Variants in MAMDC4 observed in about 807,000 individuals in gnomAD.
MAMDC4 encodes apical endosomal glycoprotein.
A neutral mutation model predicts 153.3 loss-of-function variants in MAMDC4; 168 were observed. That is an observed-to-expected ratio of 1.10 (90% CI 0.97 to 1.25). The LOEUF is 1.25. MAMDC4 is among the 50% of genes most tolerant of loss of function. The pLI, the probability that MAMDC4 is intolerant of heterozygous loss-of-function variation, is 0.00. For missense variants in MAMDC4, 1,701 were observed against 1,542.8 expected (o/e 1.10, Z -1.72); for synonymous variants, 744 against 651.5 (o/e 1.14, Z -2.16).
chr9:136,857,623 G>C, intron 18 of MAMDC4, 36 bp from the exon 19 acceptor site: 1 of 1,611,944 alleles, frequency 6.2e-7, no homozygotes, highest in African/African-American at 1.3e-5. Context: ...TTGAGGGGCT[G>C]GCCAGGGGCT....
rs1849012597 is a variant in MAMDC4, at chr9:136,856,842, A to C, written c.1837+16A>C. ...ACAGGCCAAGGTAGGATGGGCGCTC[A>C]GACCGGGGGTGGCTTTCAGACGAGA... On this transcript the variant is annotated intron_variant, in intron 15 of 26. Coordinates refer to ENST00000317446, the MANE Select transcript of MAMDC4 (RefSeq NM_206920.3). 1 of 1,612,444 alleles carries C rather than the reference A, an allele frequency of 6.2e-7. No homozygotes were observed. Among genetic ancestry groups the C allele is most frequent in the Admixed American group, 1.7e-5 (1 of 59,940 alleles).
At chr9:136,852,534 G>A (rs1357142195) in intron 1 of MAMDC4, 72 bp downstream of exon 1, 2 of 1,557,880 alleles carry the variant, frequency 1.3e-6, no homozygotes, top group South Asian at 2.2e-5. Flanking sequence ...CTGTGTGGCA[G>A]TGACGGACAC....
chr9:136,854,516 G>A, intron 7 of MAMDC4, 23 bp from the exon 8 acceptor site: 1 of 1,592,412 alleles, frequency 6.3e-7, no homozygotes, highest in South Asian at 1.1e-5. Context: ...TGGTGGCCCT[G>A]ACACGCCCAC....
At chr9:136,858,980 T>C in intron 23 of MAMDC4, 25 bp from the exon 24 acceptor site, 1 of 1,504,144 alleles carries the variant, frequency 6.6e-7, no homozygotes. Context: ...ACCCCAGGCC[T>C]GACACGCCCT....
In MAMDC4 at chr9:136,857,464, C is replaced by A. The variant is rs965988882; in HGVS notation, c.2204C>A (p.Ser735Tyr). 1.9e-6 allele frequency: 3 copies of A among 1,609,082 alleles called. No homozygotes were observed. Among genetic ancestry groups the A allele is most frequent in the Admixed American group, 3.3e-5 (2 of 60,030 alleles). ...PGPCWAPNYCSFEDSDCGFSP... is the reference protein window; with the variant it reads ...PGPCWAPNYCYFEDSDCGFSP... Reference sequence around the variant, plus strand: ...CCCTGCTGGGCCCCTAATTACTGCTCCTTTGAGGACTCAGACTGCGGCTTC... The same window carrying A: ...CCCTGCTGGGCCCCTAATTACTGCTACTTTGAGGACTCAGACTGCGGCTTC... Residue 735 changes from serine to tyrosine, a missense_variant, in exon 18 of 27, where the codon TCC becomes TAC. By Grantham distance (144) the Ser-to-Tyr change is moderately radical. Coordinates refer to ENST00000317446, the MANE Select transcript of MAMDC4 (RefSeq NM_206920.3).
chr9:136,854,900 C>A, intron 9 of MAMDC4, 37 bp from the exon 10 acceptor site: 1 of 1,612,594 alleles, frequency 6.2e-7, no homozygotes, highest in Non-Finnish European at 8.5e-7. Context: ...TGCTGGCTGC[C>A]CCGGTGCAGG....
intron 14 of MAMDC4, 64 bp from the exon 15 acceptor site, chr9:136,856,646 A>C: frequency 6.5e-7 from 1 of 1,530,990 alleles, no homozygotes; most frequent in Non-Finnish European, 9.0e-7. Flanking sequence ...CGGAGCTTCC[A>C]CCTTCTCAGG....
rs1459164621 is a variant in MAMDC4, at chr9:136,858,256, A to T, written c.2654A>T (p.Asp885Val). 2 of 1,601,760 alleles carry T rather than the reference A, an allele frequency of 1.2e-6. No individual in the cohort carries two copies. Among genetic ancestry groups the T allele is most frequent in the Non-Finnish European group, 1.7e-6 (2 of 1,178,924 alleles). Residue 885 changes from aspartate to valine, a missense_variant, in exon 21 of 27, where the codon GAC becomes GTC. By Grantham distance (152) the Asp-to-Val change is radical. Transcript: ENST00000317446. ...YVALDDLLLQ[D>V]GPCPQPGSCD... Reference sequence around the variant, plus strand: ...GCTCTGGATGATCTGCTCCTCCAGGACGGGCCCTGCCCTCAGCCAGGTGGG... The same window carrying T: ...GCTCTGGATGATCTGCTCCTCCAGGTCGGGCCCTGCCCTCAGCCAGGTGGG...
chr9:136,853,017 C>CTAAA, intron 1 of MAMDC4, 85 bp from the exon 2 acceptor site: 1 of 1,136,554 alleles, frequency 8.8e-7, no homozygotes, highest in Non-Finnish European at 1.3e-6. Context: ...AAAAGATGTC[C>CTAAA]AGTGCTAAAA....
In MAMDC4 at chr9:136,857,246, A is replaced by T. The variant is rs753232068; in HGVS notation, c.2054A>T (p.His685Leu). The T allele has an allele frequency of 3.1e-6, 5 of 1,606,206 alleles. No homozygotes were observed. The highest frequency in any genetic ancestry group is 3.4e-6 in the Non-Finnish European group (4 of 1,177,066). ...SRSGTQGNRW[H>L]EAWATLSHQP... ...TCAGGCACCCAGGGCAACCGCTGGC[A>T]CGAGGCCTGGGCCACCCTTTCCCAC... The change falls in exon 17 of 27, where the codon CAC (histidine) becomes CTC (leucine). Residue 685 changes from histidine to leucine, a missense_variant. By Grantham distance (99) the His-to-Leu change is moderately conservative. Coordinates refer to ENST00000317446, the MANE Select transcript of MAMDC4 (RefSeq NM_206920.3).
At chr9:136,856,571 C>A in intron 14 of MAMDC4, 139 bp from the exon 15 acceptor site, 1 of 852,112 alleles carries the variant, frequency 1.2e-6, no homozygotes, top group Non-Finnish European at 2.1e-6. Flanking sequence ...CCGAGAGAGA[C>A]AGAGGTTCCT....
rs1848960806 is a variant in MAMDC4 at position 136,853,665 on chromosome 9, C to A, written c.449C>A (p.Ser150Tyr). 1 of 1,381,792 alleles carries A rather than the reference C, an allele frequency of 7.2e-7. No homozygotes were observed. The highest frequency in any genetic ancestry group is 1.5e-5 in the African/African-American group (1 of 67,014). The allele number at this position is 1,381,792 out of a possible 1,614,324, so 85.6% of individuals were successfully genotyped here. Residue 150 changes from serine (S) to tyrosine (Y), a missense_variant, in exon 4 of 27, where the codon TCT becomes TAT. Physicochemically the swap from Ser to Tyr is moderately radical, Grantham distance 144. Transcript: ENST00000317446. Reference sequence around the variant, plus strand: ...CTGAGGCTCTGGTACCACGCGGCCTCTGGAGGTGCACCCTGGACCCCCAAG... The same window carrying A: ...CTGAGGCTCTGGTACCACGCGGCCTATGGAGGTGCACCCTGGACCCCCAAG... ...CKLRLWYHAA[S>Y]GDVAELRVEL... is the part of the protein sequence containing the mutation.
At chr9:136,855,928 A>G (rs1184299604) in intron 13 of MAMDC4, 80 bp downstream of exon 13, 48 of 1,530,290 alleles carry the variant, frequency 3.1e-5, no homozygotes, top group Non-Finnish European at 4.1e-5. Flanking sequence ...CTGCCTCTGC[A>G]CTACAGAGGG....
In MAMDC4 at chr9:136,857,182, A is replaced by T; in HGVS notation, c.1990A>T (p.Met664Leu). The change falls in exon 17 of 27, where the codon ATG (methionine) becomes TTG (leucine). Residue 664 changes from methionine (M) to leucine (L), a missense_variant. Physicochemically the swap from Met to Leu is conservative, Grantham distance 15. Coordinates refer to ENST00000317446, the MANE Select transcript of MAMDC4 (RefSeq NM_206920.3). ...GPQIGTLRLA[M>L]RREGEETHLW... ...CCCTGCAGGGACTCTGCGCCTAGCC[A>T]TGAGACGGGAAGGGGAGGAGACACA... 1 of 1,612,450 alleles carries T rather than the reference A, an allele frequency of 6.2e-7. No homozygotes were observed. The highest frequency in any genetic ancestry group is 8.5e-7 in the Non-Finnish European group (1 of 1,179,832).
rs548293328 is a variant in MAMDC4, at chr9:136,860,744, C to T, written c.*141C>T. ...TGCTGAGGCCTGGGCGTTCCCTGCCCTGTGCTGACTCTGTTGCTCTGTGAA... is the reference window on the plus strand; with the variant it reads ...TGCTGAGGCCTGGGCGTTCCCTGCCTTGTGCTGACTCTGTTGCTCTGTGAA... On this transcript the variant is annotated 3_prime_UTR_variant, in exon 27 of 27. Coordinates refer to ENST00000317446, the MANE Select transcript of MAMDC4 (RefSeq NM_206920.3). 6.0e-5 allele frequency: 50 copies of T among 836,262 alleles called. No individual in the cohort carries two copies. In the South Asian group the frequency reaches 7.5e-4, roughly 13 times the overall value. The allele number at this position is 836,262 out of a possible 1,614,324, so 51.8% of individuals were successfully genotyped here. A position where few individuals can be genotyped will look rare whatever the true frequency, so the allele number is the denominator to read the frequency against.
Position 136,857,254 on chromosome 9 carries a change from T to C in MAMDC4, c.2062T>C (p.Trp688Arg). 1.2e-6 allele frequency: 2 copies of C among 1,604,262 alleles called. No individual in the cohort carries two copies. The highest frequency in any genetic ancestry group is 1.7e-6 in the Non-Finnish European group (2 of 1,176,016). Residue 688 changes from tryptophan to arginine, a missense_variant, in exon 17 of 27, where the codon TGG becomes CGG. Transcript: ENST00000317446. ...CCAGGGCAACCGCTGGCACGAGGCC[T>C]GGGCCACCCTTTCCCACCAGCCTGG... Reference protein sequence around the residue: ...GTQGNRWHEAWATLSHQPGSH... With the variant: ...GTQGNRWHEARATLSHQPGSH...
chr9:136,854,401 A>C, intron 7 of MAMDC4, 65 bp downstream of exon 7: 1 of 1,494,168 alleles, frequency 6.7e-7, no homozygotes. Flanking sequence ...GGGCCCTGGC[A>C]CTCATCCAGG....
chr9:136,854,805 A>G lies in MAMDC4; in HGVS notation c.978A>G (p.Ile326Met), dbSNP rs748405373. ...TGGCCGAGCCTGGCACCCCTGCTAT[A>G]CTCTCCAGCCCCGAATTCCAAGCCT... Reference protein sequence around the residue: ...VSVAEPGTPAILSSPEFQASG... With the variant: ...VSVAEPGTPAMLSSPEFQASG... The change falls in exon 9 of 27, where the codon ATA (isoleucine) becomes ATG (methionine). Residue 326 changes from isoleucine to methionine, a missense_variant. By Grantham distance (10) the Ile-to-Met change is conservative (BLOSUM62 1). Transcript: ENST00000317446. The G allele has an allele frequency of 1.8e-5, 29 of 1,612,184 alleles. No individual in the cohort carries two copies. The highest frequency in any genetic ancestry group is 2.5e-5 in the Non-Finnish European group (29 of 1,179,716).
In MAMDC4 at chr9:136,856,895, T is replaced by A; in HGVS notation, c.1838-12T>A. The A allele has an allele frequency of 4.3e-6, 7 of 1,610,216 alleles. No individual in the cohort carries two copies. Among genetic ancestry groups the A allele is most frequent in the Non-Finnish European group, 5.9e-6 (7 of 1,177,970 alleles). ...GGGGCATCTCTGCAGCACAGCCCCA[T>A]GCCCCCTGCAGGCCACTTTGTGCTC... On this transcript the variant is annotated splice_polypyrimidine_tract_variant and intron_variant, in intron 15 of 26. Transcript: ENST00000317446.
Sources: allele counts gnomAD v4.1 joint callset, GRCh38; gene constraint gnomAD v4.1.1; transcripts MANE v1.5; gene names NCBI Gene and HGNC (gene_info 2026-07-23, HGNC 2026-07-21).